Variants in HSPA14 observed in about 807,000 individuals in gnomAD.
HSPA14 encodes heat shock protein family A (Hsp70) member 14.
HSPA14 carries 37 observed loss-of-function variants against 65.5 expected under a neutral mutation model. The observed-to-expected ratio is 0.56, with a 90% CI of 0.43 to 0.74. The LOEUF (loss-of-function observed/expected upper bound fraction) is 0.74. Ranked by LOEUF, HSPA14 falls within the 30% of genes least tolerant of loss-of-function variation. HSPA14 has a pLI of 0.00. For missense variants in HSPA14, 564 were observed against 607.6 expected, an observed-to-expected ratio of 0.93 and a Z score of 0.75; for synonymous variants, 203 against 214.2, an observed-to-expected ratio of 0.95 and a Z score of 0.46.
chr10:14,850,964 C>G, intron 6 of HSPA14: 1 of 276,712 alleles, frequency 3.6e-6, no homozygotes, highest in Non-Finnish European at 6.7e-6. Flanking sequence ...CTTTATTTCT[C>G]TTATTCAGTA....
chr10:14,848,722 T>C (rs976357952), intron 4 of HSPA14, 65 bp downstream of exon 4: 2 of 1,460,330 alleles, frequency 1.4e-6, no homozygotes, highest in Non-Finnish European at 9.5e-7. Context: ...TAACATGGAA[T>C]GTTGATTTGA....
At chr10:14,848,344 C>A (rs1400545265) in intron 3 of HSPA14, among the ~76,000 whole-genome samples, 2 of 152,086 alleles carry the variant, frequency 1.3e-5, no homozygotes, top group Non-Finnish European at 2.9e-5. Flanking sequence ...ATATATAGCA[C>A]CTATTAATAG....
Position 14,858,680 on chromosome 10 carries a change from C to A in HSPA14, c.993+2737C>A, listed in dbSNP as rs535839046. On this transcript the variant is annotated intron_variant, in intron 10 of 13. Coordinates refer to ENST00000378372, the MANE Select transcript of HSPA14 (RefSeq NM_016299.4). ...GGGCAGAGAGATATACCCCACCTACCAAGTTGTGGGAGTGAGTGGGATGGG... is the reference window on the plus strand; with the variant it reads ...GGGCAGAGAGATATACCCCACCTACAAAGTTGTGGGAGTGAGTGGGATGGG... Among the ~76,000 whole-genome samples, 10 of 152,278 alleles carry A rather than the reference C, an allele frequency of 6.6e-5. No individual in the cohort carries two copies. In the East Asian group the frequency reaches 1.9e-3, roughly 29 times the overall value.
At chr10:14,860,697 C>T (rs1241822217) in intron 10 of HSPA14, among the ~76,000 whole-genome samples, 1 of 152,094 alleles carries the variant, frequency 6.6e-6, no homozygotes, top group Admixed American at 6.5e-5. Context: ...GGCAAGGAAA[C>T]TAGGGCCCAG....
In HSPA14 at chr10:14,844,695, A is replaced by G. The variant is rs1190150259; in HGVS notation, c.222-3914A>G. 7 of 972,568 alleles carry G rather than the reference A, an allele frequency of 7.2e-6. No homozygotes were observed. In the African/African-American group the frequency reaches 1.2e-4, roughly 17 times the overall value. 60.2% of individuals were successfully genotyped at this position (972,568 alleles called of 1,614,324 possible). On this transcript the variant is annotated intron_variant, in intron 3 of 13. Coordinates refer to ENST00000378372, the MANE Select transcript of HSPA14 (RefSeq NM_016299.4). ...GGTTTATATCGATAATCTTCAATATAAAATACTGGCCATTTTATAAAATAT... is the reference window on the plus strand; with the variant it reads ...GGTTTATATCGATAATCTTCAATATGAAATACTGGCCATTTTATAAAATAT...
chr10:14,848,940 G>GAAAGTTGACTTAAAAAA, intron 5 of HSPA14, 45 bp downstream of exon 5: 1 of 1,057,300 alleles, frequency 9.5e-7, no homozygotes, highest in Non-Finnish European at 1.4e-6. Flanking sequence ...ATGATCTTTT[G>GAAAGTTGACTTAAAAAA]AAAGTTGACC....
intron 10 of HSPA14, among the ~76,000 whole-genome samples, chr10:14,863,193 ATTTATAATTTT>A (rs1288986420): frequency 6.8e-4 from 103 of 152,272 alleles, no homozygotes; most frequent in African/African-American, 2.4e-3. Flanking sequence ...TTCTGCAATA[ATTTATAATTTT>A]TATATTATTT....
At chr10:14,864,016 C>T (rs569043745) in intron 10 of HSPA14, among the ~76,000 whole-genome samples, 104 of 151,932 alleles carry the variant, frequency 6.8e-4, no homozygotes, top group African/African-American at 2.3e-3. Context: ...GAAAAGAGAC[C>T]TCAGAATGGC....
Position 14,868,196 on chromosome 10 carries a change from A to G in HSPA14, c.1380+287A>G, listed in dbSNP as rs369018381. Among the ~76,000 whole-genome samples the G allele has an allele frequency of 2.3e-3, 348 of 152,202 alleles. 5 individuals are homozygous for G. In the South Asian group the frequency reaches 0.061, roughly 27 times the overall value. On this transcript the variant is annotated intron_variant, in intron 12 of 13. Coordinates refer to ENST00000378372, the MANE Select transcript of HSPA14 (RefSeq NM_016299.4). ...TAGGTAAGTGGAATGGGAGAATTATATTTTTTGGTTCATGCTAAATGCACA... is the reference window on the plus strand; with the variant it reads ...TAGGTAAGTGGAATGGGAGAATTATGTTTTTTGGTTCATGCTAAATGCACA...
chr10:14,865,224 C>A (rs972055095), intron 10 of HSPA14, among the ~76,000 whole-genome samples: 2 of 151,864 alleles, frequency 1.3e-5, no homozygotes, highest in African/African-American at 4.8e-5. Context: ...GGATATTAGC[C>A]CTTTGTCAGA....
Position 14,848,851 on chromosome 10 carries a change from T to A in HSPA14, c.332T>A (p.Val111Asp). Residue 111 changes from valine (V) to aspartate (D), a missense_variant, in exon 5 of 14, where the codon GTT becomes GAT. Val to Asp is a radical substitution (Grantham distance 152, BLOSUM62 -3). Transcript: ENST00000378372. ...GATACTGGAGAAGAAACAAAATTTG[T>A]TAACCCAGAAGATGTTGCCAGACTG... Reference protein sequence around the residue: ...EIDTGEETKFVNPEDVARLIF... With the variant: ...EIDTGEETKFDNPEDVARLIF... 1 of 1,594,976 alleles carries A rather than the reference T, an allele frequency of 6.3e-7. No individual in the cohort carries two copies. Among genetic ancestry groups the A allele is most frequent in the Non-Finnish European group, 8.6e-7 (1 of 1,165,820 alleles).
In HSPA14 at chr10:14,838,436, T is replaced by C. The variant is rs1478625806; in HGVS notation, c.34T>C (p.Ser12Pro). The change falls in exon 1 of 14, where the codon TCA becomes CCA. Residue 12 changes from serine to proline, a missense_variant. Transcript: ENST00000378372. ...CATCGGAGTTCACCTGGGCTGCACCTCAGCCTGTGTGGCCGTCTATAAGGT... is the reference window on the plus strand; with the variant it reads ...CATCGGAGTTCACCTGGGCTGCACCCCAGCCTGTGTGGCCGTCTATAAGGT... ...AAIGVHLGCT[S>P]ACVAVYKDGR... 2.5e-6 allele frequency: 4 copies of C among 1,606,378 alleles called. No individual in the cohort carries two copies. Among genetic ancestry groups the C allele is most frequent in the Non-Finnish European group, 3.4e-6 (4 of 1,178,446 alleles).
At chr10:14,846,876 T>C (rs1745295264) in intron 3 of HSPA14, 11 of 985,446 alleles carry the variant, frequency 1.1e-5, no homozygotes, top group South Asian at 4.7e-5. Context: ...TACACAACCA[T>C]AGGATTAACT....
In HSPA14 at chr10:14,842,014, GCTAT is replaced by G; in HGVS notation, c.221+1860_221+1863del. The G allele has an allele frequency of 1.5e-6, 1 of 658,790 alleles. No homozygotes were observed. Among genetic ancestry groups the G allele is most frequent in the Non-Finnish European group, 2.6e-6 (1 of 386,052 alleles). The allele number at this position is 658,790 out of a possible 1,614,324, so 40.8% of individuals were successfully genotyped here. A position where few individuals can be genotyped will look rare whatever the true frequency, so the allele number is the denominator to read the frequency against. On this transcript the variant is annotated intron_variant, in intron 3 of 13. Coordinates refer to ENST00000378372, the MANE Select transcript of HSPA14 (RefSeq NM_016299.4). The surrounding 1 kb of genome is among the most constrained non-coding windows in gnomAD (Gnocchi z 5.2). ...ACCCTGGGTGAACTCCCAAAGTTGG[GCTAT>G]CTCAGTCTTGGCCTCATGCCTGTTT... is the stretch of plus-strand genomic sequence containing the variant.
chr10:14,849,560 T>A (rs918815370), intron 5 of HSPA14, 161 bp from the exon 6 acceptor site: 2 of 702,836 alleles, frequency 2.8e-6, no homozygotes, highest in African/African-American at 3.5e-5. Context: ...TGCTGCATGA[T>A]TTCAGAGCGC....
chr10:14,840,035 C>G (rs542006979), intron 2 of HSPA14, 40 bp from the exon 3 acceptor site: 40 of 1,369,164 alleles, frequency 2.9e-5, no homozygotes, highest in South Asian at 2.1e-4. Context: ...AAATTACATA[C>G]ATTGTAATAT....
rs565578294 is a variant in HSPA14, at chr10:14,839,066, A to G, written c.57+607A>G. 2.9e-3 allele frequency among the ~76,000 whole-genome samples: 435 copies of G among 152,300 alleles called. 1 individual carries two copies. The highest frequency in any genetic ancestry group is 4.7e-3 in the Non-Finnish European group (321 of 68,014). On this transcript the variant is annotated intron_variant, in intron 1 of 13. Transcript: ENST00000378372. ...CGAGCTGGGGCTGATGGTCCCGCAA[A>G]GCTGCCTGGCTGTGAAGCCAGTTGA...
In HSPA14 at chr10:14,867,725, C is replaced by G; in HGVS notation, c.1207-11C>G. 1 of 1,605,952 alleles carries G rather than the reference C, an allele frequency of 6.2e-7. No individual in the cohort carries two copies. Among genetic ancestry groups the G allele is most frequent in the African/African-American group, 1.3e-5 (1 of 74,526 alleles). On this transcript the variant is annotated splice_polypyrimidine_tract_variant and intron_variant, in intron 11 of 13. Coordinates refer to ENST00000378372, the MANE Select transcript of HSPA14 (RefSeq NM_016299.4). ...TACCAAAGAGTATGCACCTTGTTTC[C>G]TGCTAACTAGGGTGTGGACGAATCA...
Position 14,840,061 on chromosome 10 carries a change from AT to A in HSPA14, c.139-4del, listed in dbSNP as rs3830599. On this transcript the variant is annotated splice_polypyrimidine_tract_variant and intron_variant, in intron 2 of 13. Coordinates refer to ENST00000378372, the MANE Select transcript of HSPA14 (RefSeq NM_016299.4). ...ATTGTAATATATATATATATATATT[AT>A]TTTTTTTTTCAGATTGTTGGATTGG... 0.32 allele frequency: 373,456 copies of A among 1,154,284 alleles called. 59,183 individuals carry two copies. Among genetic ancestry groups the A allele is most frequent in the African/African-American group, 0.7 (42,766 of 61,140 alleles). The allele number at this position is 1,154,284 out of a possible 1,614,324, so 71.5% of individuals were successfully genotyped here.
Sources: gnomAD v4.1 joint callset for allele counts (sites outside exome capture counted in the v4.1 genomes callset) on GRCh38, gnomAD v4.1.1 for gene constraint, Gnocchi (gnomAD v3.1) non-coding constraint, MANE v1.5 for transcripts, NCBI Gene and HGNC (gene_info 2026-07-23, HGNC 2026-07-21) for gene names.